Variants in TCF7L1 observed in about 807,000 individuals in gnomAD.
TCF7L1 encodes transcription factor 7 like 1.
In TCF7L1, 18 loss-of-function variants were observed where a neutral mutation model predicts 63.7. The observed-to-expected ratio is 0.28, with a 90% CI of 0.20 to 0.42. The LOEUF (loss-of-function observed/expected upper bound fraction) is 0.42. Among genes scored for constraint, TCF7L1 ranks in the 10% least tolerant of loss-of-function variants. The probability of loss-of-function intolerance (pLI) is 1.00; values close to 1 mark genes in which losing one functional copy is unlikely to be tolerated. For missense variants in TCF7L1, 654 were observed against 779.3 expected (o/e 0.84, Z 1.91); for synonymous variants, 355 against 340.9 (o/e 1.04, Z -0.46).
intron 3 of TCF7L1, among the ~76,000 whole-genome samples, chr2:85,255,621 G>T (rs774687300): frequency 2.6e-5 from 4 of 152,182 alleles, no homozygotes; most frequent in Non-Finnish European, 4.4e-5. Context: ...GGCTGGGTCT[G>T]CGAGGCCTGC....
At chr2:85,147,711 C>T (rs1366231063) in intron 3 of TCF7L1, among the ~76,000 whole-genome samples, 1 of 152,094 alleles carries the variant, frequency 6.6e-6, no homozygotes, top group Non-Finnish European at 1.5e-5. Flanking sequence ...GTGGTGGTGT[C>T]TGGGTGTTAA....
chr2:85,257,695 G>A (rs11904127), intron 3 of TCF7L1, among the ~76,000 whole-genome samples: 72,658 of 151,964 alleles, frequency 0.48, 18,412 homozygotes, highest in Non-Finnish European at 0.58. Flanking sequence ...GCATCCCCTG[G>A]GGAGCCCACG....
At chr2:85,205,941 T>A (rs1679399305) in intron 3 of TCF7L1, among the ~76,000 whole-genome samples, 1 of 152,240 alleles carries the variant, frequency 6.6e-6, no homozygotes, top group Non-Finnish European at 1.5e-5. Flanking sequence ...GATGGATAAT[T>A]CATTGATAAG....
chr2:85,157,566 T>C (rs771945062), intron 3 of TCF7L1, among the ~76,000 whole-genome samples: 1 of 152,154 alleles, frequency 6.6e-6, no homozygotes, highest in Non-Finnish European at 1.5e-5. Flanking sequence ...GCTGACAGCT[T>C]GTGTAAGCCT....
At chr2:85,211,169 C>G (rs996377514) in intron 3 of TCF7L1, among the ~76,000 whole-genome samples, 2 of 152,184 alleles carry the variant, frequency 1.3e-5, no homozygotes, top group Non-Finnish European at 2.9e-5. Flanking sequence ...TTCTTATTTA[C>G]TGAGAGATAG....
Position 85,133,645 on chromosome 2 carries a change from A to T in TCF7L1, c.-40A>T. On this transcript the variant is annotated 5_prime_UTR_variant, in exon 1 of 12. Transcript: ENST00000282111. The surrounding 1 kb of genome is among the most constrained non-coding windows in gnomAD (Gnocchi z 4.4). ...CGGGCCGGGCAGGGCGCGGGCGGCT[A>T]GGGGCTCCGAGAGCGGCGGCCCCGG... 1 of 818,744 alleles carries T rather than the reference A, an allele frequency of 1.2e-6. No individual in the cohort carries two copies. Among genetic ancestry groups the T allele is most frequent in the Non-Finnish European group, 1.5e-6 (1 of 680,598 alleles). 50.7% of individuals were successfully genotyped at this position (818,744 alleles called of 1,614,324 possible).
At chr2:85,222,991 C>T (rs1398825488) in intron 3 of TCF7L1, among the ~76,000 whole-genome samples, 3 of 152,086 alleles carry the variant, frequency 2.0e-5, no homozygotes, top group East Asian at 1.9e-4. Context: ...TGAATGGAGA[C>T]GGGCCATGAG....
chr2:85,144,486 C>T (rs1297600924), intron 3 of TCF7L1, among the ~76,000 whole-genome samples: 1 of 151,134 alleles, frequency 6.6e-6, no homozygotes, highest in Non-Finnish European at 1.5e-5. Flanking sequence ...CCTGTAATCG[C>T]AGCTACTCAG....
intron 3 of TCF7L1, among the ~76,000 whole-genome samples, chr2:85,142,488 A>AT (rs1433828727): frequency 6.7e-6 from 1 of 149,656 alleles, no homozygotes; most frequent in African/African-American, 2.5e-5. Context: ...TATAATATAT[A>AT]TATATATATA....
chr2:85,168,572 C>A (rs1335461479), intron 3 of TCF7L1, among the ~76,000 whole-genome samples: 1 of 151,358 alleles, frequency 6.6e-6, no homozygotes, highest in Non-Finnish European at 1.5e-5. Flanking sequence ...GCTGCGTGGA[C>A]TGAACCTGGG....
At chr2:85,163,912 TTATGTGGAGACAGGG>T (rs1558620916) in intron 3 of TCF7L1, among the ~76,000 whole-genome samples, 1 of 152,150 alleles carries the variant, frequency 6.6e-6, no homozygotes, top group Non-Finnish European at 1.5e-5. Flanking sequence ...GATTATCTCC[TTATGTGGAGACAGGG>T]TCTCCACATA....
In TCF7L1 at chr2:85,153,070, C is replaced by T. The variant is rs6716667; in HGVS notation, c.441+18620C>T. 4.1e-3 allele frequency among the ~76,000 whole-genome samples: 629 copies of T among 152,310 alleles called. 3 individuals are homozygous for T. The highest frequency in any genetic ancestry group is 0.014 in the African/African-American group (589 of 41,560). On this transcript the variant is annotated intron_variant, in intron 3 of 11. Coordinates refer to ENST00000282111, the MANE Select transcript of TCF7L1 (RefSeq NM_031283.3). ...CTACATGGATGGGATATGTTGGTCA[C>T]CTATGTGATTACATCATCATCAATC...
intron 3 of TCF7L1, among the ~76,000 whole-genome samples, chr2:85,158,363 G>C (rs1250797106): frequency 6.6e-6 from 1 of 152,198 alleles, no homozygotes; most frequent in East Asian, 1.9e-4. Context: ...CTGGTGTCCA[G>C]GAGACCATGC....
chr2:85,238,206 G>A (rs1680237414), intron 3 of TCF7L1, among the ~76,000 whole-genome samples: 1 of 152,228 alleles, frequency 6.6e-6, no homozygotes, highest in Non-Finnish European at 1.5e-5. Flanking sequence ...GGGAAGAAAG[G>A]CCAGCACACA....
In TCF7L1 at chr2:85,302,513, G is replaced by A. The variant is rs201529303; in HGVS notation, c.555G>A (p.Pro185=). The change falls in exon 5 of 12, where the codon CCG becomes CCA. Residue 185 remains proline (P), a synonymous_variant. Coordinates refer to ENST00000282111, the MANE Select transcript of TCF7L1 (RefSeq NM_031283.3). ...LSNKVPVVQH[P]HHMHPLTPLI... ...ATAAAGTTCCTGTCGTTCAGCACCC[G>A]CATCACATGCATCCGCTGACTCCCC... The A allele has an allele frequency of 4.0e-5, 65 of 1,614,026 alleles. No individual in the cohort carries two copies. The South Asian group carries it at 6.0e-4, about 15-fold the overall frequency.
intron 3 of TCF7L1, among the ~76,000 whole-genome samples, chr2:85,190,833 T>G (rs1330665621): frequency 6.6e-6 from 1 of 152,164 alleles, no homozygotes; most frequent in Non-Finnish European, 1.5e-5. Context: ...GCAGGCATTT[T>G]AAGGTAGGAA....
At chr2:85,237,213 G>A (rs537379810) in intron 3 of TCF7L1, among the ~76,000 whole-genome samples, 3 of 152,274 alleles carry the variant, frequency 2.0e-5, no homozygotes, top group Non-Finnish European at 4.4e-5. Context: ...TGGACAGTTT[G>A]TCTAGTGGTT....
rs1461934446 is a variant in TCF7L1, at chr2:85,306,100, GC to G, written c.990-103del. On this transcript the variant is annotated intron_variant, in intron 8 of 11. Transcript: ENST00000282111. This position sits in a 1 kb window ranked among gnomAD's most constrained non-coding sequence, Gnocchi z 4.3. ...GGCCACTTGAATTAGCATCCAGGCA[GC>G]CCGCGCCCCTCCCCAGAGACAATCA... 1 of 1,395,490 alleles carries G rather than the reference GC, an allele frequency of 7.2e-7. No individual in the cohort carries two copies. The highest frequency in any genetic ancestry group is 9.9e-7 in the Non-Finnish European group (1 of 1,010,528). The allele number at this position is 1,395,490 out of a possible 1,614,324, so 86.4% of individuals were successfully genotyped here.
chr2:85,167,384 A>G (rs1442826364), intron 3 of TCF7L1: 3 of 152,202 alleles, frequency 2.0e-5, no homozygotes. Context: ...TGATTCAGCA[A>G]TCTCATTACT....
Sources: gnomAD v4.1 joint callset for allele counts (sites outside exome capture counted in the v4.1 genomes callset) on GRCh38, gnomAD v4.1.1 for gene constraint, Gnocchi (gnomAD v3.1) non-coding constraint, MANE v1.5 for transcripts, NCBI Gene and HGNC (gene_info 2026-07-23, HGNC 2026-07-21) for gene names.